DGKI: variants seen among roughly 807,000 people sequenced by gnomAD.
DGKI encodes the protein DAG kinase iota.
DGKI carries 55 observed loss-of-function variants against 147.5 expected under a neutral mutation model. The observed-to-expected ratio is 0.37, with a 90% CI of 0.30 to 0.47. The LOEUF is 0.47. Ranked by LOEUF, DGKI falls within the 20% of genes least tolerant of loss-of-function variation. The pLI is 1.00. For synonymous variants in DGKI, 469 were observed against 477.1 expected (o/e 0.98, Z 0.22); for missense variants, 1,007 against 1,323.8 (o/e 0.76, Z 3.71).
At chr7:137,694,454 C>T (rs1024252537) in intron 1 of DGKI, among the ~76,000 whole-genome samples, 1 of 152,148 alleles carries the variant, frequency 6.6e-6, no homozygotes, top group Non-Finnish European at 1.5e-5. Flanking sequence ...ATGTGGCTCC[C>T]GTTTTCTATC....
intron 24 of DGKI, 26 bp from the exon 25 acceptor site, chr7:137,466,968 A>T (rs1814685736): frequency 1.2e-6 from 2 of 1,613,156 alleles, no homozygotes; most frequent in South Asian, 1.1e-5. Context: ...TGCAGATGGC[A>T]TTCAGAATGT....
rs775814446 is a variant in DGKI at position 137,846,134 on chromosome 7, T to TTCTCTC, written c.401+322_401+327dup. On this transcript the variant is annotated intron_variant, in intron 1 of 32. Transcript: ENST00000614521. This position sits in a 1 kb window ranked among gnomAD's most constrained non-coding sequence, Gnocchi z 4.0. ...TCTGCAACCCTTTCTCTCTCTCTCT[T>TTCTCTC]TCTCTCTCTCTCTCTCTCTCTCTCT... Among the ~76,000 whole-genome samples the TTCTCTC allele has an allele frequency of 0.073, 6,164 of 84,630 alleles. 276 individuals carry two copies. Among genetic ancestry groups the TTCTCTC allele is most frequent in the African/African-American group, 0.089 (1,748 of 19,594 alleles). 55.5% of individuals were successfully genotyped at this position (84,630 alleles called of 152,430 possible).
At chr7:137,523,067 A>T (rs1469678897) in intron 20 of DGKI, among the ~76,000 whole-genome samples, 1 of 152,098 alleles carries the variant, frequency 6.6e-6, no homozygotes, top group Non-Finnish European at 1.5e-5. Flanking sequence ...TAAAGAAAAA[A>T]AGAAAGAGAA....
At chr7:137,770,339 G>A (rs1359582955) in intron 1 of DGKI, among the ~76,000 whole-genome samples, 2 of 152,064 alleles carry the variant, frequency 1.3e-5, no homozygotes, top group African/African-American at 2.4e-5. Context: ...AGGGGAGGGA[G>A]AGCATTAGGA....
At chr7:137,418,147 T>C (rs1304978203) in intron 28 of DGKI, among the ~76,000 whole-genome samples, 2 of 152,224 alleles carry the variant, frequency 1.3e-5, no homozygotes, top group East Asian at 1.9e-4. Flanking sequence ...GGAAGGGATA[T>C]GCCATAATTG....
intron 1 of DGKI, among the ~76,000 whole-genome samples, chr7:137,739,553 C>T (rs1795119826): frequency 1.3e-5 from 2 of 152,156 alleles, no homozygotes; most frequent in African/African-American, 4.8e-5. Context: ...TCTGGGAACT[C>T]CAGCCCTGGC....
At chr7:137,722,889 TA>T (rs59407060) in intron 1 of DGKI, 12,261 of 583,950 alleles carry the variant, frequency 0.021, no homozygotes, top group South Asian at 0.026. Context: ...TTGACTACGT[TA>T]AAAAAAAAAA....
chr7:137,606,260 G>C (rs1045138218), intron 10 of DGKI, among the ~76,000 whole-genome samples: 1 of 151,656 alleles, frequency 6.6e-6, no homozygotes, highest in Non-Finnish European at 1.5e-5. Context: ...GCCAGTAGGT[G>C]GCAATATTGT....
chr7:137,457,578 G>C (rs577450136), intron 27 of DGKI, among the ~76,000 whole-genome samples: 1 of 152,176 alleles, frequency 6.6e-6, no homozygotes, highest in Admixed American at 6.5e-5. Flanking sequence ...TTATCTTCTC[G>C]ATATAGTGAT....
intron 1 of DGKI, among the ~76,000 whole-genome samples, chr7:137,738,716 G>T (rs2116696962): frequency 1.1e-5 from 1 of 93,888 alleles, no homozygotes; most frequent in East Asian, 3.7e-4. Context: ...TCACAGAGAA[G>T]ATGAGGTTCC....
chr7:137,729,298 C>T (rs143055538), intron 1 of DGKI, among the ~76,000 whole-genome samples: 4 of 152,182 alleles, frequency 2.6e-5, no homozygotes, highest in South Asian at 2.1e-4. Context: ...CCATGTGCAA[C>T]TTCTCTTACT....
At chr7:137,649,058 T>A (rs967887602) in intron 5 of DGKI, among the ~76,000 whole-genome samples, 3 of 152,006 alleles carry the variant, frequency 2.0e-5, no homozygotes, top group African/African-American at 7.3e-5. Flanking sequence ...CTGTTCAGAG[T>A]TCTTTTTAGG....
At chr7:137,774,403 C>T (rs1200140751) in intron 1 of DGKI, among the ~76,000 whole-genome samples, 3 of 151,994 alleles carry the variant, frequency 2.0e-5, no homozygotes, top group Admixed American at 1.3e-4. Context: ...ATGCAATTTC[C>T]ACTATACCAA....
intron 21 of DGKI, among the ~76,000 whole-genome samples, chr7:137,493,367 G>A (rs992758935): frequency 3.3e-5 from 5 of 152,204 alleles, no homozygotes; most frequent in African/African-American, 1.2e-4. Flanking sequence ...GAGCATGCAT[G>A]TCATCACACT....
intron 1 of DGKI, among the ~76,000 whole-genome samples, chr7:137,756,460 A>G (rs1795685960): frequency 6.6e-6 from 1 of 152,292 alleles, no homozygotes; most frequent in African/African-American, 2.4e-5. Context: ...GGGAATGATT[A>G]TAATGATTTA....
intron 1 of DGKI, among the ~76,000 whole-genome samples, chr7:137,805,450 A>G (rs1797337294): frequency 6.6e-6 from 1 of 152,236 alleles, no homozygotes; most frequent in Admixed American, 6.5e-5. Context: ...GAGGCAAACT[A>G]CTACTGGCTT....
intron 27 of DGKI, among the ~76,000 whole-genome samples, chr7:137,458,818 T>C (rs2128923590): frequency 1.3e-5 from 2 of 152,326 alleles, no homozygotes; most frequent in Middle Eastern, 6.8e-3. Flanking sequence ...GTACAATTAA[T>C]GATAAGAGCA....
chr7:137,514,168 T>G (rs1816672792), intron 21 of DGKI, among the ~76,000 whole-genome samples: 1 of 152,178 alleles, frequency 6.6e-6, no homozygotes, highest in Admixed American at 6.5e-5. Context: ...GGACTATTTC[T>G]GTGTTTATTT....
chr7:137,641,008 A>G (rs1375035675), intron 6 of DGKI, among the ~76,000 whole-genome samples: 1 of 152,186 alleles, frequency 6.6e-6, no homozygotes, highest in Admixed American at 6.5e-5. Context: ...AACTCCCACA[A>G]TTCCTACATG....
Sources: allele counts gnomAD v4.1 joint callset (sites outside exome capture counted in the v4.1 genomes callset), GRCh38; gene constraint gnomAD v4.1.1; non-coding constraint Gnocchi (gnomAD v3.1); transcripts MANE v1.5; gene names NCBI Gene and HGNC (gene_info 2026-07-23, HGNC 2026-07-21).